SIPA1L1: variants seen among roughly 807,000 people sequenced by gnomAD.
SIPA1L1 encodes the protein signal-induced proliferation-associated 1-like protein 1.
A neutral mutation model predicts 162.7 loss-of-function variants in SIPA1L1; 26 were observed. That is an observed-to-expected ratio of 0.16 (90% CI 0.12 to 0.22). SIPA1L1 has a LOEUF of 0.22. Ranked by LOEUF, SIPA1L1 falls within the 10% of genes least tolerant of loss-of-function variation. The probability of loss-of-function intolerance (pLI) is 1.00; values close to 1 mark genes in which losing one functional copy is unlikely to be tolerated. For missense variants in SIPA1L1, 1,874 were observed against 2,241.0 expected (o/e 0.84, Z 3.31); for synonymous variants, 829 against 837.4 (o/e 0.99, Z 0.17).
chr14:71,699,002 C>G lies in SIPA1L1; in HGVS notation c.3396C>G (p.Ile1132Met), dbSNP rs1447864301. Residue 1132 changes from isoleucine (I) to methionine (M), a missense_variant, in exon 14 of 24, where the codon ATC becomes ATG. Ile to Met is a conservative substitution (Grantham distance 10). This residue lies in a region of SIPA1L1 where 936 missense variants were observed against 1,051.9 expected (regional missense o/e 0.89). Transcript: ENST00000381232. The stretch of plus-strand genomic sequence containing the variant: ...GCAGGCTGTCTCCTGGTTCGGACAT[C>G]TATGTGACGGTCTCATCCATGGCTT... ...LERRLSPGSD[I>M]YVTVSSMALA... 1 of 1,614,196 alleles carries G rather than the reference C, an allele frequency of 6.2e-7. No individual in the cohort carries two copies. The highest frequency in any genetic ancestry group is 8.5e-7 in the Non-Finnish European group (1 of 1,180,026).
Position 71,740,062 on chromosome 14 carries a change from A to G in SIPA1L1, c.*901A>G, listed in dbSNP as rs1371156309. The G allele has an allele frequency of 6.6e-6, 1 of 152,236 alleles. No homozygotes were observed. Among genetic ancestry groups the G allele is most frequent in the African/African-American group, 2.4e-5 (1 of 41,466 alleles). 9.4% of individuals were successfully genotyped at this position (152,236 alleles called of 1,614,324 possible). On this transcript the variant is annotated 3_prime_UTR_variant, in exon 24 of 24. Coordinates refer to ENST00000381232, the MANE Select transcript of SIPA1L1 (RefSeq NM_001386936.1). ...AAGTATACGTTTTAAAGATTTTTAA[A>G]GATAAAAATGTGGCACAACTGGTTT...
chr14:71,619,361 T>G (rs1391896700), intron 6 of SIPA1L1, among the ~76,000 whole-genome samples: 9 of 152,044 alleles, frequency 5.9e-5, no homozygotes, highest in Non-Finnish European at 1.3e-4. Flanking sequence ...TCCACTATCT[T>G]TGGGACCCAT....
intron 13 of SIPA1L1, among the ~76,000 whole-genome samples, chr14:71,696,641 C>T (rs978396872): frequency 1.3e-5 from 2 of 152,198 alleles, no homozygotes; most frequent in Non-Finnish European, 2.9e-5. Flanking sequence ...TCTTCATTTT[C>T]TACACCACTG....
intron 2 of SIPA1L1, among the ~76,000 whole-genome samples, chr14:71,506,632 TGCTG>T (rs2050693449): frequency 6.6e-6 from 1 of 152,168 alleles, no homozygotes; most frequent in Admixed American, 6.5e-5. Context: ...TGAGCCACCG[TGCTG>T]GGCCAAATGT....
intron 6 of SIPA1L1, among the ~76,000 whole-genome samples, chr14:71,619,546 AT>A (rs934080602): frequency 6.7e-5 from 10 of 149,716 alleles, no homozygotes; most frequent in Non-Finnish European, 7.4e-5. Context: ...CCCACACAGC[AT>A]TTTTTTTTTA....
At chr14:71,366,874 T>G (rs909864917) in intron 2 of SIPA1L1, among the ~76,000 whole-genome samples, 1 of 152,220 alleles carries the variant, frequency 6.6e-6, no homozygotes, top group Non-Finnish European at 1.5e-5. Flanking sequence ...TTTTTAAAAC[T>G]TATTTTTACT....
intron 6 of SIPA1L1, 117 bp downstream of exon 6, chr14:71,619,004 G>A (rs2039122072): frequency 9.4e-7 from 1 of 1,066,412 alleles, no homozygotes; most frequent in Non-Finnish European, 1.3e-6. Context: ...TTTGGAGTAA[G>A]CAAAGTCCCC....
chr14:71,700,249 C>CA (rs542548422), intron 14 of SIPA1L1, among the ~76,000 whole-genome samples: 56 of 151,388 alleles, frequency 3.7e-4, no homozygotes, highest in Non-Finnish European at 7.6e-4. Context: ...ACACTGCTAC[C>CA]AAAAAATAAA....
At chr14:71,356,567 C>CCAAAAAAAA (rs777415215) in intron 2 of SIPA1L1, among the ~76,000 whole-genome samples, 1 of 39,172 alleles carries the variant, frequency 2.6e-5, no homozygotes, top group African/African-American at 1.1e-4. Flanking sequence ...CTTGTCTCTA[C>CCAAAAAAAA]AAAAAAAAAA....
intron 2 of SIPA1L1, among the ~76,000 whole-genome samples, chr14:71,465,588 TTAGAAG>T (rs2046934404): frequency 6.6e-6 from 1 of 152,190 alleles, no homozygotes; most frequent in African/African-American, 2.4e-5. Flanking sequence ...ATCTGTACTA[TTAGAAG>T]TAGAGTCCTT....
chr14:71,364,706 C>G (rs990144171), intron 2 of SIPA1L1, among the ~76,000 whole-genome samples: 16 of 151,948 alleles, frequency 1.1e-4, no homozygotes, highest in African/African-American at 3.9e-4. Flanking sequence ...CTGAGAACCT[C>G]TGGCCTACAG....
intron 2 of SIPA1L1, among the ~76,000 whole-genome samples, chr14:71,449,812 A>G (rs369679665): frequency 6.6e-6 from 1 of 152,178 alleles, no homozygotes; most frequent in Non-Finnish European, 1.5e-5. Context: ...TTGTTCTGCT[A>G]TATGAGCTTT....
intron 2 of SIPA1L1, among the ~76,000 whole-genome samples, chr14:71,373,108 G>A (rs933169002): frequency 2.6e-5 from 4 of 151,646 alleles, no homozygotes; most frequent in South Asian, 2.1e-4. Context: ...TCAGGAGATC[G>A]AGACCATCCT....
rs778506173 is a variant in SIPA1L1, at chr14:71,624,261, C to T, written c.1818+25C>T. On this transcript the variant is annotated intron_variant, in intron 7 of 23. Transcript: ENST00000381232. ...GGTGAGTTTGCCTTTCTGAGGAGAG[C>T]ATTCTTGCTCAGGTTTATTGCTAGG... 1.0e-5 allele frequency: 16 copies of T among 1,574,762 alleles called. No homozygotes were observed. In the East Asian group the frequency reaches 3.6e-4, roughly 36 times the overall value.
intron 2 of SIPA1L1, among the ~76,000 whole-genome samples, chr14:71,394,135 A>C (rs2040993939): frequency 6.6e-6 from 1 of 152,128 alleles, no homozygotes; most frequent in African/African-American, 2.4e-5. Context: ...TTGCTACCCA[A>C]ATTTTCTTCT....
At chr14:71,586,633 C>G (rs1247756828) in intron 4 of SIPA1L1, 1 of 152,200 alleles carries the variant, frequency 6.6e-6, no homozygotes, top group African/African-American at 2.4e-5. Context: ...TGTCTCCTGC[C>G]TTCTGCCTGA....
intron 6 of SIPA1L1, among the ~76,000 whole-genome samples, chr14:71,619,334 A>G (rs1031407876): frequency 6.6e-6 from 1 of 152,118 alleles, no homozygotes; most frequent in African/African-American, 2.4e-5. Context: ...AAGGAGGGAA[A>G]GAGATTCTTG....
chr14:71,588,123 C>A lies in SIPA1L1; in HGVS notation c.251C>A (p.Pro84His). Residue 84 changes from proline (P) to histidine (H), a missense_variant, in exon 5 of 24, where the codon CCC becomes CAC. Pro to His is a moderately conservative substitution (Grantham distance 77). Around this residue, in one of 5 missense-constraint regions of SIPA1L1, gnomAD observed 685 missense variants for 828.0 expected, o/e 0.83. Transcript: ENST00000381232. This position sits in a 1 kb window ranked among gnomAD's most constrained non-coding sequence, Gnocchi z 4.3. ...GTAAGGGCAAGGATTGCAGATTGGCCCCCAAGAAAGGAAAACATAAAAGAA... is the reference window on the plus strand; with the variant it reads ...GTAAGGGCAAGGATTGCAGATTGGCACCCAAGAAAGGAAAACATAAAAGAA... Reference protein sequence around the residue: ...MGVRARIADWPPRKENIKESS... With the variant: ...MGVRARIADWHPRKENIKESS... 6.2e-7 allele frequency: 1 copy of A among 1,614,126 alleles called. No individual in the cohort carries two copies. The highest frequency in any genetic ancestry group is 8.5e-7 in the Non-Finnish European group (1 of 1,179,994).
intron 4 of SIPA1L1, 126 bp from the exon 5 acceptor site, chr14:71,587,445 G>A (rs962293767): frequency 5.1e-6 from 2 of 395,624 alleles, no homozygotes; most frequent in African/African-American, 4.1e-5. Flanking sequence ...TAAAAATACG[G>A]ATTGTGGAAC....
Sources: allele counts gnomAD v4.1 joint callset (sites outside exome capture counted in the v4.1 genomes callset), GRCh38; gene constraint gnomAD v4.1.1; regional missense constraint gnomAD v4.1.1; non-coding constraint Gnocchi (gnomAD v3.1); transcripts MANE v1.5; gene names NCBI Gene and HGNC (gene_info 2026-07-23, HGNC 2026-07-21).